Variants in HECW1 observed in about 807,000 individuals in gnomAD.
The protein encoded by HECW1 is E3 ubiquitin-protein ligase HECW1.
A neutral mutation model predicts 182.3 loss-of-function variants in HECW1; 61 were observed. The ratio of observed to expected loss-of-function variants is 0.33; its 90% confidence interval spans 0.27 to 0.41. HECW1 has a LOEUF of 0.41. Among genes scored for constraint, HECW1 ranks in the 10% least tolerant of loss-of-function variants. The pLI, the probability that HECW1 is intolerant of heterozygous loss-of-function variation, is 1.00. For missense variants in HECW1, 1,739 were observed against 2,108.9 expected (o/e 0.82, Z 3.44); for synonymous variants, 859 against 832.6 (o/e 1.03, Z -0.55).
chr7:43,467,279 G>A (rs182275531), intron 15 of HECW1, among the ~76,000 whole-genome samples: 119 of 152,238 alleles, frequency 7.8e-4, no homozygotes, highest in African/African-American at 2.7e-3. Context: ...CTCTGGGGGC[G>A]CCAGGGAGCA....
At chr7:43,399,502 G>T (rs1031423037) in intron 7 of HECW1, among the ~76,000 whole-genome samples, 2 of 152,358 alleles carry the variant, frequency 1.3e-5, no homozygotes, top group Non-Finnish European at 1.5e-5. Flanking sequence ...AAGAGGAATT[G>T]TCACTAACCA....
At chr7:43,329,322 TAAGTAGAA>T (rs1459525366) in intron 5 of HECW1, among the ~76,000 whole-genome samples, 3 of 152,088 alleles carry the variant, frequency 2.0e-5, no homozygotes, top group Admixed American at 6.5e-5. Context: ...GCAAATGCTT[TAAGTAGAA>T]AAAGCATTCC....
In HECW1 at chr7:43,507,117, C is replaced by G. The variant is rs762838143; in HGVS notation, c.3632-20C>G. 26 of 1,610,138 alleles carry G rather than the reference C, an allele frequency of 1.6e-5. No homozygotes were observed. Among genetic ancestry groups the G allele is most frequent in the Non-Finnish European group, 2.1e-5 (25 of 1,178,456 alleles). On this transcript the variant is annotated intron_variant, in intron 21 of 29. Transcript: ENST00000395891. Reference sequence around the variant, plus strand: ...AGAAGAAGAAAGAAAGTGATGACCTCTGTGTGCTTCTCTCTGCAGGTTTAC... The same window carrying G: ...AGAAGAAGAAAGAAAGTGATGACCTGTGTGTGCTTCTCTCTGCAGGTTTAC...
chr7:43,496,594 T>C (rs906844177), intron 19 of HECW1, among the ~76,000 whole-genome samples: 1 of 152,124 alleles, frequency 6.6e-6, no homozygotes, highest in Non-Finnish European at 1.5e-5. Context: ...AATACCACTC[T>C]CCTCAGGACC....
At chr7:43,371,747 C>CT (rs2074112320) in intron 6 of HECW1, among the ~76,000 whole-genome samples, 2 of 152,212 alleles carry the variant, frequency 1.3e-5, no homozygotes, top group African/African-American at 4.8e-5. Flanking sequence ...ATGATACACT[C>CT]TAACGGCAAA....
At chr7:43,240,011 T>C (rs1043566277) in intron 2 of HECW1, 6 of 152,266 alleles carry the variant, frequency 3.9e-5, no homozygotes, top group African/African-American at 1.2e-4. Context: ...AAAGCAAATG[T>C]ACTTTGTTTC....
intron 2 of HECW1, among the ~76,000 whole-genome samples, chr7:43,239,462 C>T (rs906006648): frequency 1.3e-5 from 2 of 152,220 alleles, no homozygotes; most frequent in South Asian, 2.1e-4. Flanking sequence ...TATTAGATGG[C>T]GCACACTGTG....
chr7:43,446,966 A>G (rs2077077672), intron 11 of HECW1, among the ~76,000 whole-genome samples: 1 of 152,224 alleles, frequency 6.6e-6, no homozygotes, highest in Non-Finnish European at 1.5e-5. Context: ...ATGTATGGAC[A>G]TTACTCGATA....
chr7:43,412,860 A>G (rs2075857181), intron 8 of HECW1, among the ~76,000 whole-genome samples: 1 of 149,226 alleles, frequency 6.7e-6, no homozygotes, highest in Admixed American at 6.7e-5. Flanking sequence ...TCATTGTTGG[A>G]CATTTGGGTT....
chr7:43,297,703 T>G (rs1806215756), intron 3 of HECW1, among the ~76,000 whole-genome samples: 5 of 152,170 alleles, frequency 3.3e-5, no homozygotes, highest in African/African-American at 7.2e-5. Flanking sequence ...TCTTCTCCAG[T>G]GTGTTTATAA....
At chr7:43,373,885 T>C (rs145944241) in intron 6 of HECW1, among the ~76,000 whole-genome samples, 363 of 152,328 alleles carry the variant, frequency 2.4e-3, no homozygotes, top group African/African-American at 7.7e-3. Context: ...GGAGGAATCA[T>C]ACAGTGTTTG....
chr7:43,265,499 T>G (rs548487416), intron 3 of HECW1, among the ~76,000 whole-genome samples: 4 of 152,218 alleles, frequency 2.6e-5, no homozygotes, highest in Admixed American at 2.6e-4. Context: ...TGTATAAAAT[T>G]GTTCATACTT....
rs186623052 is a variant in HECW1 at position 43,243,567 on chromosome 7, C to G, written c.-31-308C>G. Among the ~76,000 whole-genome samples, 9 of 151,470 alleles carry G rather than the reference C, an allele frequency of 5.9e-5. No homozygotes were observed. In the East Asian group the frequency reaches 1.7e-3, roughly 29 times the overall value. On this transcript the variant is annotated intron_variant, in intron 2 of 29. Transcript: ENST00000395891. The surrounding 1 kb of genome is among the most constrained non-coding windows in gnomAD (Gnocchi z 4.0). The stretch of plus-strand genomic sequence containing the variant: ...AGCAGAACTTCTCTTTCCCCACAAA[C>G]ACCCACACCAGATCCTTGTTTCTTG...
intron 2 of HECW1, among the ~76,000 whole-genome samples, chr7:43,178,995 G>C (rs949867998): frequency 1.3e-5 from 2 of 152,144 alleles, no homozygotes; most frequent in Non-Finnish European, 2.9e-5. Context: ...ATATTGTCTA[G>C]AGAAAAAAGC....
intron 8 of HECW1, among the ~76,000 whole-genome samples, chr7:43,414,836 T>C (rs2075933336): frequency 6.6e-6 from 1 of 152,044 alleles, no homozygotes; most frequent in African/African-American, 2.4e-5. Flanking sequence ...AGCTTTTTGA[T>C]CTGCTGCTGG....
chr7:43,281,508 A>C (rs930407681), intron 3 of HECW1, among the ~76,000 whole-genome samples: 1 of 152,094 alleles, frequency 6.6e-6, no homozygotes, highest in Non-Finnish European at 1.5e-5. Context: ...GCAAGGGGAG[A>C]GCTGGAGTTT....
chr7:43,261,998 A>G (rs1451630476), intron 3 of HECW1, among the ~76,000 whole-genome samples: 1 of 152,166 alleles, frequency 6.6e-6, no homozygotes, highest in Non-Finnish European at 1.5e-5. Flanking sequence ...AGGCAGGAGA[A>G]TCACTTGAGA....
At chr7:43,176,200 G>T (rs958560513) in intron 2 of HECW1, among the ~76,000 whole-genome samples, 48 of 152,206 alleles carry the variant, frequency 3.2e-4, no homozygotes, top group African/African-American at 1.1e-3. Flanking sequence ...GTTACTGTGT[G>T]TAGAGGACTT....
chr7:43,329,715 C>T (rs1310590433), intron 5 of HECW1, among the ~76,000 whole-genome samples: 2 of 152,020 alleles, frequency 1.3e-5, no homozygotes, highest in African/African-American at 2.4e-5. Flanking sequence ...TGCCCGGACA[C>T]GGCGTGCTAA....
Sources: allele counts gnomAD v4.1 joint callset (sites outside exome capture counted in the v4.1 genomes callset), GRCh38; gene constraint gnomAD v4.1.1; non-coding constraint Gnocchi (gnomAD v3.1); transcripts MANE v1.5; gene names NCBI Gene and HGNC (gene_info 2026-07-23, HGNC 2026-07-21).